The following PPFIA2 variants were observed in gnomAD, a reference collection of about 807,000 sequenced individuals.
PPFIA2 encodes PPFI scaffold protein A2, also known as liprin-alpha-2.
PPFIA2 carries 46 observed loss-of-function variants against 175.5 expected under a neutral mutation model. That is an observed-to-expected ratio of 0.26 (90% CI 0.21 to 0.34). The LOEUF (loss-of-function observed/expected upper bound fraction) is 0.34. PPFIA2 is among the 10% of genes least tolerant of loss of function. The probability of loss-of-function intolerance (pLI) is 1.00; values close to 1 mark genes in which losing one functional copy is unlikely to be tolerated. For missense variants in PPFIA2, 1,179 were observed against 1,506.1 expected, an observed-to-expected ratio of 0.78 and a Z score of 3.60; for synonymous variants, 568 against 511.4, an observed-to-expected ratio of 1.11 and a Z score of -1.49.
intron 4 of PPFIA2, among the ~76,000 whole-genome samples, chr12:81,577,814 A>G (rs941211892): frequency 1.3e-5 from 2 of 151,824 alleles, no homozygotes; most frequent in Non-Finnish European, 2.9e-5. Context: ...TGGCAGTTGT[A>G]TCAGTTAACT....
intron 5 of PPFIA2, 45 bp downstream of exon 5, chr12:81,457,720 G>C (rs371509537): frequency 7.9e-5 from 97 of 1,235,582 alleles, no homozygotes; most frequent in Non-Finnish European, 1.1e-4. Flanking sequence ...GTAATGCATT[G>C]AACTACAAAT....
intron 29 of PPFIA2, 118 bp downstream of exon 29, chr12:81,267,794 C>T: frequency 2.4e-5 from 17 of 703,926 alleles, no homozygotes; most frequent in South Asian, 7.9e-5. Flanking sequence ...TGACATATTT[C>T]AAACATTGAG....
In PPFIA2 at chr12:81,349,216, A is replaced by C. The variant is rs370532332; in HGVS notation, c.1995-1446T>G. Among the ~76,000 whole-genome samples, 9 of 152,310 alleles carry C rather than the reference A, an allele frequency of 5.9e-5. No homozygotes were observed. The East Asian group carries it at 1.7e-3, about 29-fold the overall frequency. Reference sequence around the variant, plus strand: ...TTTAAGTAGTATGTGTTTGCTGGCCAGGCAGAAAGTACTTTGGTAGTCTAC... The same window carrying C: ...TTTAAGTAGTATGTGTTTGCTGGCCCGGCAGAAAGTACTTTGGTAGTCTAC... On this transcript the variant is annotated intron_variant, in intron 17 of 32. Transcript: ENST00000549396.
At chr12:81,531,954 G>T (rs1361538460) in intron 4 of PPFIA2, among the ~76,000 whole-genome samples, 2 of 151,794 alleles carry the variant, frequency 1.3e-5, no homozygotes, top group Non-Finnish European at 2.9e-5. Context: ...ATATTAATTA[G>T]AAAATAAGTA....
chr12:81,294,089 A>G (rs2137819059), intron 24 of PPFIA2, among the ~76,000 whole-genome samples: 1 of 152,216 alleles, frequency 6.6e-6, no homozygotes, highest in South Asian at 2.1e-4. Context: ...GAGCTAAACA[A>G]TGGGTACATG....
chr12:81,548,311 C>T (rs1022400500), intron 4 of PPFIA2, among the ~76,000 whole-genome samples: 1 of 151,960 alleles, frequency 6.6e-6, no homozygotes, highest in African/African-American at 2.4e-5. Flanking sequence ...TAAGGCCTTC[C>T]AATAATTTTT....
intron 4 of PPFIA2, among the ~76,000 whole-genome samples, chr12:81,464,152 A>G (rs1024973650): frequency 6.6e-6 from 1 of 152,154 alleles, no homozygotes; most frequent in Non-Finnish European, 1.5e-5. Context: ...CCTGGCCTCA[A>G]GCAATTCTCC....
intron 4 of PPFIA2, among the ~76,000 whole-genome samples, chr12:81,519,084 T>G (rs899112661): frequency 2.6e-5 from 4 of 152,150 alleles, no homozygotes; most frequent in Admixed American, 2.0e-4. Flanking sequence ...CTTTGAAACT[T>G]TTCTTCCCTT....
At position 81,704,382 on chromosome 12, in the gene PPFIA2, T is replaced by C. The variant is rs187844100; in HGVS notation, c.250-27538A>G. On this transcript the variant is annotated intron_variant, in intron 3 of 32. Coordinates refer to ENST00000549396, the MANE Select transcript of PPFIA2 (RefSeq NM_003625.5). The stretch of plus-strand genomic sequence containing the variant: ...GAAGAAGGTTGAGTAAAAAATAAAA[T>C]GGTCACTGATTTTAAAGGTTATAAT... 4.6e-5 allele frequency among the ~76,000 whole-genome samples: 7 copies of C among 152,240 alleles called. No individual in the cohort carries two copies. The East Asian group carries it at 1.4e-3, about 29-fold the overall frequency.
chr12:81,623,758 A>T (rs2062350081), intron 4 of PPFIA2, among the ~76,000 whole-genome samples: 1 of 151,948 alleles, frequency 6.6e-6, no homozygotes, highest in Non-Finnish European at 1.5e-5. Context: ...ATTAGCACTC[A>T]ATTTTCCACC....
rs115384271 is a variant in PPFIA2 at position 81,637,423 on chromosome 12, G to C, written c.303+39368C>G. On this transcript the variant is annotated intron_variant, in intron 4 of 32. Transcript: ENST00000549396. Reference sequence around the variant, plus strand: ...CCAGCCAACAATTTCCTTTTTTCTAGATTGGTCTTCCTTTTCCTAAACTGT... The same window carrying C: ...CCAGCCAACAATTTCCTTTTTTCTACATTGGTCTTCCTTTTCCTAAACTGT... Among the ~76,000 whole-genome samples, 1,035 of 151,460 alleles carry C rather than the reference G, an allele frequency of 6.8e-3. 13 individuals are homozygous for C. Among genetic ancestry groups the C allele is most frequent in the African/African-American group, 0.022 (904 of 41,294 alleles).
chr12:81,302,267 A>G (rs1427633629), intron 22 of PPFIA2: 1 of 370,930 alleles, frequency 2.7e-6, no homozygotes, highest in Non-Finnish European at 5.4e-6. Flanking sequence ...TTTATTTCCC[A>G]CTTTCTCACA....
chr12:81,525,136 C>T (rs2063587490), intron 4 of PPFIA2, among the ~76,000 whole-genome samples: 1 of 152,152 alleles, frequency 6.6e-6, no homozygotes, highest in Non-Finnish European at 1.5e-5. Context: ...AAGACACATT[C>T]CTTAATAATT....
At chr12:81,302,758 C>T in intron 22 of PPFIA2, 2 of 424,200 alleles carry the variant, frequency 4.7e-6, no homozygotes, top group East Asian at 7.1e-5. Context: ...AGCAATATTG[C>T]CTTGCATTAT....
intron 4 of PPFIA2, among the ~76,000 whole-genome samples, chr12:81,522,788 A>C (rs2063308424): frequency 6.6e-6 from 1 of 150,796 alleles, no homozygotes; most frequent in South Asian, 2.1e-4. Flanking sequence ...TTTGACTGCA[A>C]AAACTTTATT....
intron 3 of PPFIA2, among the ~76,000 whole-genome samples, chr12:81,715,232 T>C (rs2078446235): frequency 6.6e-6 from 1 of 151,878 alleles, no homozygotes; most frequent in South Asian, 2.1e-4. Context: ...ATACTCTTTG[T>C]ACATTTGGTA....
At chr12:81,726,890 C>A (rs2080158329) in intron 3 of PPFIA2, among the ~76,000 whole-genome samples, 1 of 151,234 alleles carries the variant, frequency 6.6e-6, no homozygotes, top group African/African-American at 2.4e-5. Flanking sequence ...GAATGACCTG[C>A]CAATTGCTCT....
chr12:81,533,986 C>A (rs1437368108), intron 4 of PPFIA2, among the ~76,000 whole-genome samples: 1 of 151,232 alleles, frequency 6.6e-6, no homozygotes, highest in African/African-American at 2.4e-5. Context: ...ACAATTTGGC[C>A]ATAAAAACAT....
chr12:81,597,773 A>C (rs1026914946), intron 4 of PPFIA2, among the ~76,000 whole-genome samples: 2 of 152,060 alleles, frequency 1.3e-5, no homozygotes, highest in Non-Finnish European at 2.9e-5. Flanking sequence ...AGAGACTCCT[A>C]ATGCCATCCT....
Sources: gnomAD v4.1 joint callset for allele counts (sites outside exome capture counted in the v4.1 genomes callset) on GRCh38, gnomAD v4.1.1 for gene constraint, MANE v1.5 for transcripts, NCBI Gene and HGNC (gene_info 2026-07-23, HGNC 2026-07-21) for gene names.